The following MPDZ variants were observed in gnomAD, a reference collection of about 807,000 sequenced individuals.
MPDZ encodes the protein multiple PDZ domain crumbs cell polarity complex component, also known as multiple PDZ domain protein.
In MPDZ, 234 loss-of-function variants were observed where a neutral mutation model predicts 239.1. The ratio of observed to expected loss-of-function variants is 0.98; its 90% CI spans 0.88 to 1.09. MPDZ has a LOEUF of 1.09. MPDZ is among the 50% of genes least tolerant of loss of function. The pLI, the probability that MPDZ is intolerant of heterozygous loss-of-function variation, is 0.00. For synonymous variants in MPDZ, 1,048 were observed against 881.3 expected, an observed-to-expected ratio of 1.19 and a Z score of -3.35; for missense variants, 3,175 against 2,510.0, an observed-to-expected ratio of 1.26 and a Z score of -5.66.
rs764573637 is a variant in MPDZ, at chr9:13,108,920, A to T, written c.6066+16T>A. 1 of 1,609,226 alleles carries T rather than the reference A, an allele frequency of 6.2e-7. No individual in the cohort carries two copies. The highest frequency in any genetic ancestry group is 8.5e-7 in the Non-Finnish European group (1 of 1,177,102). On this transcript the variant is annotated intron_variant, in intron 46 of 46. Transcript: ENST00000319217. ...TGTTTAGGGGAAAAGAGGGTGGTTA[A>T]AATTTGCAAGCTTACCTTTGCAAAC...
intron 10 of MPDZ, among the ~76,000 whole-genome samples, chr9:13,210,888 T>G (rs907275028): frequency 3.0e-4 from 45 of 152,140 alleles, no homozygotes; most frequent in African/African-American, 1.0e-3. Flanking sequence ...GATAGTCAGT[T>G]CTGAACATCT....
intron 13 of MPDZ, among the ~76,000 whole-genome samples, chr9:13,193,903 G>C (rs946506627): frequency 6.6e-6 from 1 of 151,986 alleles, no homozygotes; most frequent in African/African-American, 2.4e-5. Context: ...TATAGTTAAG[G>C]CAACTGAGGG....
In MPDZ at chr9:13,205,079, TA is replaced by T; in HGVS notation, c.1502del (p.Leu501TyrfsTer24). 1.4e-6 allele frequency: 2 copies of T among 1,459,596 alleles called. No individual in the cohort carries two copies. Among genetic ancestry groups the T allele is most frequent in the Admixed American group, 2.9e-5 (1 of 33,908 alleles). 90.4% of individuals were successfully genotyped at this position (1,459,596 alleles called of 1,614,324 possible). A position where few individuals can be genotyped will look rare whatever the true frequency, so the allele number is the denominator to read the frequency against. On this transcript the variant is annotated frameshift_variant, in exon 12 of 47. Transcript: ENST00000319217. LOFTEE classifies it high-confidence loss of function. ...KENYEKDEDF[L>X]SSTRNTNILP... ...ATATGTTGGTGTTTCTCGTCGAAGA[TA>T]AAAAATCTTCATCTTTTTCATAATT... is the stretch of plus-strand genomic sequence containing the variant.
intron 32 of MPDZ, among the ~76,000 whole-genome samples, chr9:13,127,885 T>A (rs1229707144): frequency 1.3e-5 from 2 of 152,236 alleles, no homozygotes; most frequent in Non-Finnish European, 2.9e-5. Flanking sequence ...TCTCTAATTC[T>A]CAATTTTCTT....
chr9:13,123,557 G>A (rs951618529), intron 35 of MPDZ, among the ~76,000 whole-genome samples: 3 of 152,142 alleles, frequency 2.0e-5, no homozygotes, highest in Non-Finnish European at 4.4e-5. Context: ...TATCCTACAT[G>A]TTTTAAATTG....
At chr9:13,169,952 A>G (rs1282758781) in intron 21 of MPDZ, among the ~76,000 whole-genome samples, 1 of 152,152 alleles carries the variant, frequency 6.6e-6, no homozygotes, top group Non-Finnish European at 1.5e-5. Context: ...AGTCCTTCTC[A>G]ACAGACTCTA....
intron 12 of MPDZ, among the ~76,000 whole-genome samples, chr9:13,201,238 CTCT>C (rs1448465801): frequency 7.2e-5 from 11 of 151,928 alleles, no homozygotes; most frequent in Non-Finnish European, 1.5e-4. Flanking sequence ...GCCACTCCTG[CTCT>C]TCATTTTTGT....
At chr9:13,198,733 CTCTCTGTG>C (rs1429330761) in intron 12 of MPDZ, among the ~76,000 whole-genome samples, 2,626 of 89,484 alleles carry the variant, frequency 0.029, 98 homozygotes, top group Admixed American at 0.14. Context: ...TTTAATCTCT[CTCTCTGTG>C]TGTGTGTGTG....
At chr9:13,254,248 C>T (rs1363094334) in intron 1 of MPDZ, among the ~76,000 whole-genome samples, 1 of 152,114 alleles carries the variant, frequency 6.6e-6, no homozygotes, top group Non-Finnish European at 1.5e-5. Flanking sequence ...TATTAGAAAC[C>T]ACCGGTCGGT....
chr9:13,239,176 A>G (rs1964782261), intron 3 of MPDZ, among the ~76,000 whole-genome samples: 1 of 152,190 alleles, frequency 6.6e-6, no homozygotes, highest in African/African-American at 2.4e-5. Context: ...TCCAACTACT[A>G]TTAGACCACG....
chr9:13,264,378 A>C (rs1208600325), intron 1 of MPDZ, among the ~76,000 whole-genome samples: 1 of 152,144 alleles, frequency 6.6e-6, no homozygotes, highest in Non-Finnish European at 1.5e-5. Flanking sequence ...ACTTTGAGTT[A>C]AATACCCTTA....
At position 13,106,412 on chromosome 9, in the gene MPDZ, C is replaced by T. The variant is rs1941474939; in HGVS notation, c.*553G>A. The T allele has an allele frequency of 6.6e-6, 1 of 151,876 alleles. No individual in the cohort carries two copies. Among genetic ancestry groups the T allele is most frequent in the South Asian group, 2.1e-4 (1 of 4,808 alleles). 9.4% of individuals were successfully genotyped at this position (151,876 alleles called of 1,614,324 possible). A position where few individuals can be genotyped will look rare whatever the true frequency, so the allele number is the denominator to read the frequency against. ...TATGCATATTAGAGGTGGGGAGATG[C>T]AATGTTTTTATAATACTGTTGAAAA... is the stretch of plus-strand genomic sequence containing the variant. On this transcript the variant is annotated 3_prime_UTR_variant, in exon 47 of 47. Coordinates refer to ENST00000319217, the MANE Select transcript of MPDZ (RefSeq NM_001378778.1).
intron 3 of MPDZ, among the ~76,000 whole-genome samples, chr9:13,235,622 G>A (rs1963729552): frequency 6.6e-6 from 1 of 152,122 alleles, no homozygotes; most frequent in Admixed American, 6.5e-5. Context: ...TTTTTAAGTA[G>A]CCTTTGACTA....
intron 22 of MPDZ, among the ~76,000 whole-genome samples, chr9:13,166,917 C>T (rs556845593): frequency 6.6e-6 from 1 of 152,026 alleles, no homozygotes; most frequent in African/African-American, 2.4e-5. Flanking sequence ...TATTTTTTAA[C>T]GACTTTTAAA....
chr9:13,115,622 T>C (rs577600623), intron 39 of MPDZ, among the ~76,000 whole-genome samples: 107 of 152,126 alleles, frequency 7.0e-4, no homozygotes, highest in African/African-American at 2.2e-3. Context: ...AATTATCTCA[T>C]GAAACACACT....
At chr9:13,181,386 ATTTAT>A (rs1329570638) in intron 19 of MPDZ, among the ~76,000 whole-genome samples, 3 of 152,244 alleles carry the variant, frequency 2.0e-5, no homozygotes, top group African/African-American at 7.2e-5. Flanking sequence ...CACATTATAT[ATTTAT>A]TTTATTTACA....
intron 29 of MPDZ, 40 bp from the exon 30 acceptor site, chr9:13,136,843 A>T (rs772041631): frequency 8.1e-7 from 1 of 1,241,478 alleles, no homozygotes; most frequent in Non-Finnish European, 1.1e-6. Context: ...CTGAAATCTT[A>T]GTATCATAAA....
chr9:13,206,038 G>A lies in MPDZ; in HGVS notation c.1352C>T (p.Thr451Ile). Residue 451 changes from threonine to isoleucine, a missense_variant, in exon 11 of 47, where the codon ACA (threonine) becomes ATA (isoleucine). Coordinates refer to ENST00000319217, the MANE Select transcript of MPDZ (RefSeq NM_001378778.1). ...TAGTGTCAGGAGCACAGTTTGTCCT[G>A]TATGTCGCAATACCTCTACTGCTTG... ...NQQAVEVLRH[T>I]GQTVLLTLMR... The A allele has an allele frequency of 1.2e-6, 2 of 1,611,318 alleles. No homozygotes were observed. The highest frequency in any genetic ancestry group is 1.1e-5 in the South Asian group (1 of 90,950).
intron 38 of MPDZ, among the ~76,000 whole-genome samples, chr9:13,121,118 A>G (rs1944277519): frequency 3.3e-5 from 5 of 152,196 alleles, no homozygotes; most frequent in Admixed American, 3.3e-4. Context: ...ATTTTTGCGC[A>G]TTCACTATTC....
Sources: allele counts gnomAD v4.1 joint callset (sites outside exome capture counted in the v4.1 genomes callset), GRCh38; gene constraint gnomAD v4.1.1; transcripts MANE v1.5; gene names NCBI Gene and HGNC (gene_info 2026-07-23, HGNC 2026-07-21).